The following CDC42BPB variants were observed in gnomAD, a reference collection of about 807,000 sequenced individuals.
CDC42BPB encodes the protein serine/threonine-protein kinase MRCK beta.
Under a neutral mutation model 214.9 loss-of-function variants are expected in CDC42BPB, and 37 were observed. That is an observed-to-expected ratio of 0.17 (90% CI 0.13 to 0.23). The LOEUF is 0.23. Among genes scored for constraint, CDC42BPB ranks in the 10% least tolerant of loss-of-function variants. CDC42BPB has a pLI of 1.00. For missense variants in CDC42BPB, 1,694 were observed against 2,227.0 expected (o/e 0.76, Z 4.82); for synonymous variants, 931 against 884.0 (o/e 1.05, Z -0.94).
In CDC42BPB at chr14:103,012,233, A is replaced by G. The variant is rs753075730; in HGVS notation, c.176-45T>C. ...ACCAACAATTTAGTCTAATCAGTTC[A>G]TACTATATAAAAATTTAATTGAGTG... On this transcript the variant is annotated intron_variant, in intron 1 of 36. Coordinates refer to ENST00000361246, the MANE Select transcript of CDC42BPB (RefSeq NM_006035.4). 49 of 1,533,134 alleles carry G rather than the reference A, an allele frequency of 3.2e-5. 1 individual carries two copies. In the South Asian group the frequency reaches 5.6e-4, roughly 17 times the overall value. The allele number at this position is 1,533,134 out of a possible 1,614,324, so 95.0% of individuals were successfully genotyped here.
At chr14:103,042,756 C>T (rs1022337022) in intron 1 of CDC42BPB, among the ~76,000 whole-genome samples, 6 of 152,176 alleles carry the variant, frequency 3.9e-5, no homozygotes, top group Admixed American at 1.3e-4. Flanking sequence ...TGAGAAACGA[C>T]TTCACACCCA....
intron 1 of CDC42BPB, among the ~76,000 whole-genome samples, chr14:103,049,875 G>A (rs1888510889): frequency 6.6e-6 from 1 of 152,168 alleles, no homozygotes; most frequent in South Asian, 2.1e-4. Context: ...CACCAGCCCG[G>A]CTAATTTTTG....
At chr14:102,949,658 G>A (rs34431540) in intron 26 of CDC42BPB, 107 bp downstream of exon 26, 4 of 1,405,914 alleles carry the variant, frequency 2.8e-6, no homozygotes, top group African/African-American at 2.8e-5. Flanking sequence ...AATGAAGCAG[G>A]TGAAGTACTA....
chr14:102,998,495 C>T (rs536414584), intron 5 of CDC42BPB, among the ~76,000 whole-genome samples: 1 of 152,286 alleles, frequency 6.6e-6, no homozygotes, highest in Non-Finnish European at 1.5e-5. Context: ...ACAAGTAAAA[C>T]TAGTTTTTAA....
chr14:102,978,474 T>C (rs1036136840), intron 8 of CDC42BPB: 1 of 292,502 alleles, frequency 3.4e-6, no homozygotes, highest in Non-Finnish European at 5.1e-6. Flanking sequence ...GTCACCAGGT[T>C]AGTGATTTTC....
chr14:102,992,819 TTTTA>T lies in CDC42BPB; in HGVS notation c.597-6243_597-6240del, dbSNP rs199642365. 5.7e-3 allele frequency among the ~76,000 whole-genome samples: 843 copies of T among 148,486 alleles called. 9 individuals are homozygous for T. Among genetic ancestry groups the T allele is most frequent in the African/African-American group, 0.018 (753 of 40,860 alleles). On this transcript the variant is annotated intron_variant, in intron 5 of 36. Transcript: ENST00000361246. ...CAAAAATATATATTAAAAATATATA[TTTTA>T]TTTATTTATTTATTTATTTTTGAGA...
intron 1 of CDC42BPB, 60 bp from the exon 2 acceptor site, chr14:103,012,248 T>G: frequency 1.3e-6 from 2 of 1,512,464 alleles, no homozygotes; most frequent in South Asian, 2.4e-5. Context: ...ATATAAAAAT[T>G]TAATTGAGTG....
At chr14:103,043,190 G>C (rs1206240558) in intron 1 of CDC42BPB, among the ~76,000 whole-genome samples, 1 of 152,152 alleles carries the variant, frequency 6.6e-6, no homozygotes, top group East Asian at 1.9e-4. Flanking sequence ...GTTGCAATGA[G>C]CCAAGATCAC....
chr14:103,019,710 TTA>T (rs543052814), intron 1 of CDC42BPB, among the ~76,000 whole-genome samples: 85 of 152,228 alleles, frequency 5.6e-4, no homozygotes, highest in Non-Finnish European at 1.0e-3. Flanking sequence ...GCTTTAGCCT[TTA>T]GACAGCTTAA....
chr14:103,004,126 G>T lies in CDC42BPB; in HGVS notation c.352-103C>A. 1 of 1,421,872 alleles carries T rather than the reference G, an allele frequency of 7.0e-7. No homozygotes were observed. Among genetic ancestry groups the T allele is most frequent in the Non-Finnish European group, 9.2e-7 (1 of 1,082,108 alleles). The allele number at this position is 1,421,872 out of a possible 1,614,324, so 88.1% of individuals were successfully genotyped here. On this transcript the variant is annotated intron_variant, in intron 3 of 36. Coordinates refer to ENST00000361246, the MANE Select transcript of CDC42BPB (RefSeq NM_006035.4). The surrounding 1 kb of genome is among the most constrained non-coding windows in gnomAD (Gnocchi z 5.3). The stretch of plus-strand genomic sequence containing the variant: ...TCCTGGGACAGTGGCTCCAGCCACG[G>T]TGTCCCTGCCTTCCGGGCTCCTCCT...
intron 25 of CDC42BPB, chr14:102,950,203 G>A: frequency 1.4e-6 from 1 of 712,384 alleles, no homozygotes; most frequent in Non-Finnish European, 1.7e-6. Flanking sequence ...CTTTCAGACT[G>A]AGCTTCTGCC....
chr14:103,012,266 G>T, intron 1 of CDC42BPB, 78 bp from the exon 2 acceptor site: 1 of 1,485,710 alleles, frequency 6.7e-7, no homozygotes. Context: ...GTGGGGTGTT[G>T]CACTAAGTTA....
intron 7 of CDC42BPB, 28 bp downstream of exon 7, chr14:102,983,526 CAA>C (rs36061149): frequency 3.9e-3 from 5,734 of 1,465,394 alleles, no homozygotes; most frequent in Admixed American, 0.01. Context: ...AGCCAGGTAC[CAA>C]AAAAAAAAAA....
Position 103,026,870 on chromosome 14 carries a change from T to TA in CDC42BPB, c.176-14683dup, listed in dbSNP as rs1036092882. ...GCGACAGAGTGAGACTCCGTCTCATTAAAAAAAAAAAAAAAGTGAGAAGAC... is the reference window on the plus strand; with the variant it reads ...GCGACAGAGTGAGACTCCGTCTCATTAAAAAAAAAAAAAAAAGTGAGAAGAC... On this transcript the variant is annotated intron_variant, in intron 1 of 36. Transcript: ENST00000361246. 9.9e-3 allele frequency among the ~76,000 whole-genome samples: 1,314 copies of TA among 132,626 alleles called. 15 individuals carry two copies. Among genetic ancestry groups the TA allele is most frequent in the African/African-American group, 0.022 (794 of 35,994 alleles). The allele number at this position is 132,626 out of a possible 152,430, so 87.0% of individuals were successfully genotyped here.
chr14:102,938,265 C>T (rs982653530), intron 35 of CDC42BPB, 41 bp downstream of exon 35: 15 of 1,599,584 alleles, frequency 9.4e-6, no homozygotes, highest in Admixed American at 6.8e-5. Context: ...CCCCTACCCC[C>T]CACCTCCCCC....
chr14:102,967,772 G>A (rs1280380070), intron 16 of CDC42BPB, among the ~76,000 whole-genome samples: 2 of 152,180 alleles, frequency 1.3e-5, no homozygotes, highest in African/African-American at 4.8e-5. Flanking sequence ...TGGAAGCATC[G>A]TTATATGGCA....
intron 36 of CDC42BPB, among the ~76,000 whole-genome samples, chr14:102,935,596 T>C (rs960234853): frequency 1.4e-4 from 22 of 151,772 alleles, no homozygotes; most frequent in Non-Finnish European, 2.5e-4. Flanking sequence ...TTGAGACCAG[T>C]CTGGCCAACA....
chr14:103,044,723 C>G (rs952839663), intron 1 of CDC42BPB, among the ~76,000 whole-genome samples: 5 of 150,734 alleles, frequency 3.3e-5, no homozygotes, highest in African/African-American at 1.2e-4. Flanking sequence ...GTTGCTGAAG[C>G]TGGTCTTGAA....
intron 1 of CDC42BPB, among the ~76,000 whole-genome samples, chr14:103,023,274 TCTC>T (rs1886872056): frequency 6.6e-6 from 1 of 151,888 alleles, no homozygotes; most frequent in African/African-American, 2.4e-5. Flanking sequence ...TTCAAGCATT[TCTC>T]CTGTCTCAGC....
Sources: allele counts gnomAD v4.1 joint callset (sites outside exome capture counted in the v4.1 genomes callset), GRCh38; gene constraint gnomAD v4.1.1; non-coding constraint Gnocchi (gnomAD v3.1); transcripts MANE v1.5; gene names NCBI Gene and HGNC (gene_info 2026-07-23, HGNC 2026-07-21).